Variants in TENM3 observed in about 807,000 individuals in gnomAD.
The protein encoded by TENM3 is teneurin-3.
Under a neutral mutation model 255.1 loss-of-function variants are expected in TENM3, and 63 were observed. The observed-to-expected ratio is 0.25, with a 90% CI of 0.20 to 0.30. The LOEUF (loss-of-function observed/expected upper bound fraction) is 0.30, where lower values mean the gene tolerates loss of function less well. Among genes scored for constraint, TENM3 ranks in the 10% least tolerant of loss-of-function variants. The probability of loss-of-function intolerance (pLI) is 1.00; values close to 1 mark genes in which losing one functional copy is unlikely to be tolerated. For missense variants in TENM3, 2,929 were observed against 3,461.1 expected (o/e 0.85, Z 3.86); for synonymous variants, 1,306 against 1,322.3 (o/e 0.99, Z 0.27).
chr4:181,614,952 A>G, the TENM3 span, among the ~76,000 whole-genome samples: 1 of 152,284 alleles, frequency 6.6e-6, no homozygotes, highest in Admixed American at 6.5e-5. Context: ...TTGTAGAGTG[A>G]ATCAGACTCC....
intron 3 of TENM3, among the ~76,000 whole-genome samples, chr4:182,584,227 C>T (rs774727232): frequency 1.3e-5 from 2 of 152,218 alleles, no homozygotes; most frequent in African/African-American, 2.4e-5. Context: ...AATTTCAGTT[C>T]TGGCATGCAA....
chr4:181,834,032 A>G, the TENM3 span, among the ~76,000 whole-genome samples: 1 of 152,128 alleles, frequency 6.6e-6, no homozygotes, highest in Non-Finnish European at 1.5e-5. Flanking sequence ...GAAAAGACCA[A>G]TTGTATTCTC....
At chr4:182,149,993 A>G (rs796451567) in intron 1 of TENM3, among the ~76,000 whole-genome samples, 4 of 152,088 alleles carry the variant, frequency 2.6e-5, no homozygotes, top group African/African-American at 4.8e-5. Context: ...ATATAATTAT[A>G]TAAAAGTCAT....
chr4:182,000,025 A>G, the TENM3 span, among the ~76,000 whole-genome samples: 1 of 152,292 alleles, frequency 6.6e-6, no homozygotes, highest in African/African-American at 2.4e-5. Context: ...CATTTGATGA[A>G]AATTATCAAT....
Position 182,483,393 on chromosome 4 carries a change from A to T in TENM3, c.512-117531A>T, listed in dbSNP as rs534100349. Among the ~76,000 whole-genome samples the T allele has an allele frequency of 2.4e-4, 37 of 152,314 alleles. 1 individual carries two copies. Among genetic ancestry groups the T allele is most frequent in the African/African-American group, 8.7e-4 (36 of 41,588 alleles). On this transcript the variant is annotated intron_variant, in intron 3 of 27. Coordinates refer to ENST00000511685, the MANE Select transcript of TENM3 (RefSeq NM_001080477.4). ...AGGACAGTTGCAAGCCAATGACTTG[A>T]TGCTAGTTTGTAGTCACATAGTTAA...
At chr4:181,998,549 C>A in the TENM3 span, among the ~76,000 whole-genome samples, 1 of 152,132 alleles carries the variant, frequency 6.6e-6, no homozygotes, top group Non-Finnish European at 1.5e-5. Context: ...TTATGGCATG[C>A]AATTAGCTGT....
At chr4:182,132,288 G>A in the TENM3 span, among the ~76,000 whole-genome samples, 1 of 151,992 alleles carries the variant, frequency 6.6e-6, no homozygotes, top group Admixed American at 6.6e-5. Context: ...GACCAACATG[G>A]CCAACATGGT....
At chr4:181,974,632 G>A in the TENM3 span, among the ~76,000 whole-genome samples, 4 of 152,054 alleles carry the variant, frequency 2.6e-5, no homozygotes, top group East Asian at 3.9e-4. Context: ...AAGCAGCAAC[G>A]TGGTCAGTGG....
the TENM3 span, among the ~76,000 whole-genome samples, chr4:181,958,200 A>G: frequency 6.6e-6 from 1 of 152,178 alleles, no homozygotes; most frequent in Non-Finnish European, 1.5e-5. Context: ...TAGACACATA[A>G]TCTTGCCTGT....
At chr4:181,721,847 G>A in the TENM3 span, among the ~76,000 whole-genome samples, 1 of 152,054 alleles carries the variant, frequency 6.6e-6, no homozygotes, top group Non-Finnish European at 1.5e-5. Flanking sequence ...GGTAGATGGT[G>A]TGGCTGTCAC....
intron 3 of TENM3, among the ~76,000 whole-genome samples, chr4:182,532,906 G>A (rs1006295103): frequency 3.9e-5 from 6 of 152,090 alleles, no homozygotes; most frequent in Admixed American, 1.3e-4. Context: ...TTAAAGTATC[G>A]GTACTCACTA....
the TENM3 span, among the ~76,000 whole-genome samples, chr4:181,617,673 C>T: frequency 6.6e-5 from 10 of 152,240 alleles, no homozygotes; most frequent in Non-Finnish European, 1.3e-4. Flanking sequence ...GTGACATAAT[C>T]GTCAATGAGC....
the TENM3 span, among the ~76,000 whole-genome samples, chr4:181,997,485 A>G: frequency 6.6e-6 from 1 of 152,198 alleles, no homozygotes; most frequent in Non-Finnish European, 1.5e-5. Context: ...CAAGAGGAAC[A>G]CAGATGCCTA....
chr4:182,601,866 A>G (rs964056136), intron 4 of TENM3, among the ~76,000 whole-genome samples: 12 of 152,238 alleles, frequency 7.9e-5, no homozygotes, highest in African/African-American at 2.7e-4. Flanking sequence ...GCCCTGATTC[A>G]TACATGATGG....
At chr4:182,221,316 C>T (rs1375595047) in intron 1 of TENM3, among the ~76,000 whole-genome samples, 5 of 152,080 alleles carry the variant, frequency 3.3e-5, no homozygotes, top group East Asian at 3.8e-4. Context: ...TAAGGATTTG[C>T]CTTGACATTT....
the TENM3 span, among the ~76,000 whole-genome samples, chr4:181,696,123 T>C: frequency 6.6e-6 from 1 of 152,164 alleles, no homozygotes; most frequent in African/African-American, 2.4e-5. Flanking sequence ...ACATGGTGAA[T>C]CGTAAGACTA....
chr4:181,536,662 A>C, the TENM3 span, among the ~76,000 whole-genome samples: 1 of 152,232 alleles, frequency 6.6e-6, no homozygotes, highest in African/African-American at 2.4e-5. Context: ...CTTTAGACAC[A>C]TGCACCATTG....
chr4:182,637,604 A>G (rs190501575), intron 5 of TENM3, among the ~76,000 whole-genome samples: 1 of 152,378 alleles, frequency 6.6e-6, no homozygotes, highest in East Asian at 1.9e-4. Flanking sequence ...AACACCTGTC[A>G]GAAAAGGAAC....
the TENM3 span, among the ~76,000 whole-genome samples, chr4:181,697,223 C>T: frequency 6.6e-6 from 1 of 152,154 alleles, no homozygotes; most frequent in Non-Finnish European, 1.5e-5. Context: ...AGTGCCTTGG[C>T]TGCCATTTTC....
Sources: allele counts gnomAD v4.1 joint callset (sites outside exome capture counted in the v4.1 genomes callset), GRCh38; gene constraint gnomAD v4.1.1; transcripts MANE v1.5; gene names NCBI Gene and HGNC (gene_info 2026-07-23, HGNC 2026-07-21).